The following MAPK4 variants were observed in gnomAD, a reference collection of about 807,000 sequenced individuals.
MAPK4 encodes the protein Erk3-related.
MAPK4 carries 22 observed loss-of-function variants against 47.7 expected under a neutral mutation model. The observed-to-expected ratio is 0.46, with a 90% CI of 0.33 to 0.66. MAPK4 has a LOEUF of 0.66. Ranked by LOEUF, MAPK4 falls within the 30% of genes least tolerant of loss-of-function variation. The probability of loss-of-function intolerance (pLI) is 0.02; values close to 1 mark genes in which losing one functional copy is unlikely to be tolerated. For synonymous variants in MAPK4, 390 were observed against 365.7 expected (o/e 1.07, Z -0.76); for missense variants, 736 against 831.7 (o/e 0.88, Z 1.42).
At chr18:50,693,481 G>T (rs1232017646) in intron 2 of MAPK4, among the ~76,000 whole-genome samples, 1 of 152,188 alleles carries the variant, frequency 6.6e-6, no homozygotes, top group African/African-American at 2.4e-5. Flanking sequence ...GGCAGACTGA[G>T]AATTCACCAA....
chr18:50,665,262 C>T (rs2144259350), intron 2 of MAPK4, among the ~76,000 whole-genome samples: 1 of 152,290 alleles, frequency 6.6e-6, no homozygotes, highest in East Asian at 1.9e-4. Context: ...CTGATCCATT[C>T]CTCTCTTCAG....
chr18:50,581,853 G>A (rs1174056233), intron 1 of MAPK4, among the ~76,000 whole-genome samples: 2 of 152,196 alleles, frequency 1.3e-5, no homozygotes, highest in African/African-American at 4.8e-5. Flanking sequence ...AATTTTTACT[G>A]TCACAGAGCT....
chr18:50,621,208 C>T (rs1199359116), intron 1 of MAPK4, among the ~76,000 whole-genome samples: 2 of 152,174 alleles, frequency 1.3e-5, no homozygotes, highest in East Asian at 3.8e-4. Context: ...AAAACATATG[C>T]TCTTCTTTTC....
chr18:50,725,689 T>C (rs1481193708), intron 4 of MAPK4, among the ~76,000 whole-genome samples: 1 of 152,248 alleles, frequency 6.6e-6, no homozygotes, highest in East Asian at 1.9e-4. Flanking sequence ...TCTCTGGTTC[T>C]GTCTCTGGAG....
intron 1 of MAPK4, among the ~76,000 whole-genome samples, chr18:50,581,286 C>T (rs1434170210): frequency 6.6e-6 from 1 of 152,160 alleles, no homozygotes; most frequent in African/African-American, 2.4e-5. Context: ...AGGCTGCAGT[C>T]ATGGTGTTGG....
chr18:50,560,458 TGA>T (rs2149353197), intron 1 of MAPK4, among the ~76,000 whole-genome samples: 1 of 151,496 alleles, frequency 6.6e-6, no homozygotes, highest in South Asian at 2.1e-4. Flanking sequence ...CTGCCCTGGG[TGA>T]GCTCCTCGCC....
At chr18:50,674,968 C>T (rs989646292) in intron 2 of MAPK4, among the ~76,000 whole-genome samples, 4 of 152,220 alleles carry the variant, frequency 2.6e-5, no homozygotes, top group Non-Finnish European at 5.9e-5. Flanking sequence ...TTGAAGTCAT[C>T]TACCATGTCC....
chr18:50,645,614 C>T (rs566794814), intron 1 of MAPK4, among the ~76,000 whole-genome samples: 14 of 152,050 alleles, frequency 9.2e-5, no homozygotes, highest in East Asian at 7.7e-4. Context: ...GAAACAGAGC[C>T]GGAGAAGGGC....
chr18:50,564,356 T>C (rs1037963475), intron 1 of MAPK4, among the ~76,000 whole-genome samples: 6 of 152,214 alleles, frequency 3.9e-5, no homozygotes, highest in Non-Finnish European at 5.9e-5. Context: ...TACAGGGTGC[T>C]TAACAGCATC....
At chr18:50,584,952 A>G (rs983650174) in intron 1 of MAPK4, among the ~76,000 whole-genome samples, 2 of 152,250 alleles carry the variant, frequency 1.3e-5, no homozygotes, top group African/African-American at 2.4e-5. Context: ...AGCCTTGCAT[A>G]ACTGAAGGAA....
chr18:50,569,963 A>G (rs1412796050), intron 1 of MAPK4, among the ~76,000 whole-genome samples: 2 of 152,182 alleles, frequency 1.3e-5, no homozygotes, highest in Non-Finnish European at 2.9e-5. Context: ...TAAACCTGAA[A>G]TTCCTCCCTA....
chr18:50,655,743 G>C (rs2043102883), intron 1 of MAPK4, among the ~76,000 whole-genome samples: 1 of 152,106 alleles, frequency 6.6e-6, no homozygotes, highest in Non-Finnish European at 1.5e-5. Context: ...TTATGCTTTT[G>C]GGGGCCTGTG....
In MAPK4 at chr18:50,663,856, G is replaced by A. The variant is rs749490740; in HGVS notation, c.-103G>A. ...GGAGAAAACACATCCCTCAGCCGTG[G>A]GACTTGACAGAATGAGGTGCGCGAG... On this transcript the variant is annotated 5_prime_UTR_variant, in exon 2 of 6. The change creates a premature stop within an existing upstream ORF in the 5' untranslated region. Coordinates refer to ENST00000400384, the MANE Select transcript of MAPK4 (RefSeq NM_002747.4). 111 of 1,001,516 alleles carry A rather than the reference G, an allele frequency of 1.1e-4. No individual in the cohort carries two copies. In the Middle Eastern group the frequency reaches 1.2e-3, roughly 11 times the overall value. 62.0% of individuals were successfully genotyped at this position (1,001,516 alleles called of 1,614,324 possible). A position where few individuals can be genotyped will look rare whatever the true frequency, so the allele number is the denominator to read the frequency against.
chr18:50,643,467 G>T (rs116243613), intron 1 of MAPK4, among the ~76,000 whole-genome samples: 1 of 152,258 alleles, frequency 6.6e-6, no homozygotes, highest in South Asian at 2.1e-4. Flanking sequence ...AGGTTGCAGC[G>T]AGTCGAGGTC....
At position 50,599,120 on chromosome 18, in the gene MAPK4, A is replaced by G. The variant is rs535107583; in HGVS notation, c.-871+38877A>G. On this transcript the variant is annotated intron_variant, in intron 1 of 5. Coordinates refer to ENST00000400384, the MANE Select transcript of MAPK4 (RefSeq NM_002747.4). ...GCAGCAGGGTGTATCTGCATGTGTT[A>G]TTTAGATTAATATGATTTGAACAGA... 4.3e-4 allele frequency among the ~76,000 whole-genome samples: 66 copies of G among 152,246 alleles called. No homozygotes were observed. The South Asian group carries it at 8.7e-3, about 20-fold the overall frequency.
At chr18:50,595,501 T>C in intron 1 of MAPK4, among the ~76,000 whole-genome samples, 1 of 151,764 alleles carries the variant, frequency 6.6e-6, no homozygotes, top group Non-Finnish European at 1.5e-5. Context: ...TAATACAGAG[T>C]GGTAGAAATC....
chr18:50,603,144 T>A (rs1179040840), intron 1 of MAPK4, among the ~76,000 whole-genome samples: 2 of 152,052 alleles, frequency 1.3e-5, no homozygotes, highest in Non-Finnish European at 2.9e-5. Context: ...ATGTGGCCGG[T>A]CAGCAGACAG....
chr18:50,704,025 A>C (rs1456325402), intron 2 of MAPK4, among the ~76,000 whole-genome samples: 1 of 152,146 alleles, frequency 6.6e-6, no homozygotes, highest in Non-Finnish European at 1.5e-5. Flanking sequence ...GACCACCAGG[A>C]GCCTCCTCCT....
At chr18:50,677,294 G>A (rs1017598015) in intron 2 of MAPK4, among the ~76,000 whole-genome samples, 1 of 152,294 alleles carries the variant, frequency 6.6e-6, no homozygotes. Context: ...ACAATGGTTC[G>A]ACAAGGCATA....
Sources: gnomAD v4.1 joint callset for allele counts (sites outside exome capture counted in the v4.1 genomes callset) on GRCh38, gnomAD v4.1.1 for gene constraint, MANE v1.5 for transcripts, NCBI Gene and HGNC (gene_info 2026-07-23, HGNC 2026-07-21) for gene names.